PTPRD: variants seen among roughly 807,000 people sequenced by gnomAD.
PTPRD encodes the protein protein tyrosine phosphatase receptor type D.
A neutral mutation model predicts 214.5 loss-of-function variants in PTPRD; 34 were observed. That is an observed-to-expected ratio of 0.16 (90% confidence interval 0.12 to 0.21). The LOEUF (loss-of-function observed/expected upper bound fraction) is 0.21, where lower values mean the gene tolerates loss of function less well. PTPRD is among the 10% of genes least tolerant of loss of function. The pLI is 1.00. For missense variants in PTPRD, 2,545 were observed against 2,398.7 expected (o/e 1.06, Z -1.27); for synonymous variants, 1,128 against 845.7 (o/e 1.33, Z -5.79).
chr9:10,262,691 T>C (rs2093776864), intron 3 of PTPRD, among the ~76,000 whole-genome samples: 1 of 152,202 alleles, frequency 6.6e-6, no homozygotes, highest in Non-Finnish European at 1.5e-5. Flanking sequence ...TTTACCTCTC[T>C]GGGACTTATT....
chr9:9,116,512 T>A (rs1027132558), intron 10 of PTPRD, among the ~76,000 whole-genome samples: 1 of 151,988 alleles, frequency 6.6e-6, no homozygotes, highest in Admixed American at 6.6e-5. Context: ...ACCTACTGAT[T>A]ATGATGTACA....
chr9:9,314,035 T>C (rs1401137542), intron 9 of PTPRD, among the ~76,000 whole-genome samples: 1 of 152,190 alleles, frequency 6.6e-6, no homozygotes, highest in East Asian at 1.9e-4. Flanking sequence ...CTCTAACAAA[T>C]AAGAGGAAAA....
At chr9:9,142,489 G>A (rs2099862157) in intron 10 of PTPRD, among the ~76,000 whole-genome samples, 1 of 152,178 alleles carries the variant, frequency 6.6e-6, no homozygotes, top group Non-Finnish European at 1.5e-5. Flanking sequence ...TACTCCTTTG[G>A]CGATGAAATC....
chr9:10,569,327 C>T (rs549317505), intron 2 of PTPRD, among the ~76,000 whole-genome samples: 47 of 152,142 alleles, frequency 3.1e-4, no homozygotes, highest in African/African-American at 1.1e-3. Flanking sequence ...AGGCTCACAG[C>T]CAAAGTAGTG....
chr9:9,356,315 G>A (rs1208645147), intron 9 of PTPRD, among the ~76,000 whole-genome samples: 1 of 151,366 alleles, frequency 6.6e-6, no homozygotes, highest in Non-Finnish European at 1.5e-5. Context: ...AGAGAGAGGA[G>A]AGCTGCTAGA....
At chr9:10,546,808 C>G (rs1420982188) in intron 2 of PTPRD, among the ~76,000 whole-genome samples, 1 of 152,004 alleles carries the variant, frequency 6.6e-6, no homozygotes, top group African/African-American at 2.4e-5. Context: ...TGTACAAAAA[C>G]TTCAACGGCC....
intron 8 of PTPRD, among the ~76,000 whole-genome samples, chr9:9,492,811 G>A (rs1451205097): frequency 1.3e-5 from 2 of 149,892 alleles, no homozygotes; most frequent in African/African-American, 2.5e-5. Context: ...CTCACTTTTT[G>A]TTTCTGCATC....
intron 11 of PTPRD, among the ~76,000 whole-genome samples, chr9:8,898,988 A>G (rs114535441): frequency 1.3e-5 from 2 of 152,322 alleles, no homozygotes; most frequent in East Asian, 1.9e-4. Flanking sequence ...TATTTTAATA[A>G]AAGTGACTTC....
intron 11 of PTPRD, among the ~76,000 whole-genome samples, chr9:8,795,175 A>C (rs182817101): frequency 6.6e-6 from 1 of 151,088 alleles, no homozygotes; most frequent in Admixed American, 6.6e-5. Flanking sequence ...GAAAAAAAAA[A>C]TTTTTTTTGA....
chr9:9,801,400 A>G (rs7036588), intron 5 of PTPRD, among the ~76,000 whole-genome samples: 4,185 of 152,114 alleles, frequency 0.028, 182 homozygotes, highest in African/African-American at 0.094. Context: ...CTAAACTCCA[A>G]TGGGATTTTC....
At chr9:10,251,169 T>A (rs979829522) in intron 3 of PTPRD, among the ~76,000 whole-genome samples, 4 of 152,130 alleles carry the variant, frequency 2.6e-5, no homozygotes, top group African/African-American at 9.6e-5. Flanking sequence ...ATTGATTAAA[T>A]AACATGCTCA....
intron 4 of PTPRD, among the ~76,000 whole-genome samples, chr9:9,985,685 A>T (rs1237965443): frequency 2.6e-5 from 4 of 152,056 alleles, no homozygotes; most frequent in African/African-American, 9.7e-5. Context: ...TTATATTTTT[A>T]AAATATTATG....
chr9:9,450,994 C>G (rs1372830415), intron 8 of PTPRD, among the ~76,000 whole-genome samples: 1 of 149,268 alleles, frequency 6.7e-6, no homozygotes, highest in African/African-American at 2.4e-5. Flanking sequence ...CACAGACACA[C>G]AGTCAAATAA....
chr9:8,392,261 A>C (rs1216835029), intron 36 of PTPRD, among the ~76,000 whole-genome samples: 2 of 152,056 alleles, frequency 1.3e-5, no homozygotes, highest in African/African-American at 2.4e-5. Context: ...ATGGTGGCTC[A>C]TGCCTGTAAT....
intron 3 of PTPRD, among the ~76,000 whole-genome samples, chr9:10,053,901 G>A (rs1445993390): frequency 6.6e-6 from 1 of 151,938 alleles, no homozygotes; most frequent in Non-Finnish European, 1.5e-5. Context: ...GGGGATTACA[G>A]GTGTACGCCA....
chr9:9,085,839 C>A (rs571001034), intron 10 of PTPRD, among the ~76,000 whole-genome samples: 1 of 152,076 alleles, frequency 6.6e-6, no homozygotes, highest in Non-Finnish European at 1.5e-5. Flanking sequence ...TAATTTAAGC[C>A]TCTCGAATCT....
At chr9:9,992,845 A>G (rs2095993091) in intron 4 of PTPRD, among the ~76,000 whole-genome samples, 1 of 152,076 alleles carries the variant, frequency 6.6e-6, no homozygotes, top group Non-Finnish European at 1.5e-5. Flanking sequence ...GATAAACCCA[A>G]TGTAAATGAC....
intron 11 of PTPRD, among the ~76,000 whole-genome samples, chr9:8,811,836 C>T (rs1157468108): frequency 6.6e-6 from 1 of 152,180 alleles, no homozygotes; most frequent in Non-Finnish European, 1.5e-5. Context: ...GTTTCCTATG[C>T]ACACTCTTCT....
chr9:8,572,455 C>T (rs1445028857), intron 14 of PTPRD, among the ~76,000 whole-genome samples: 3 of 151,896 alleles, frequency 2.0e-5, no homozygotes, highest in African/African-American at 7.3e-5. Context: ...CATAAAATGA[C>T]TTCAGGGAAA....
Sources: gnomAD v4.1 joint callset for allele counts (sites outside exome capture counted in the v4.1 genomes callset) on GRCh38, gnomAD v4.1.1 for gene constraint, MANE v1.5 for transcripts, NCBI Gene and HGNC (gene_info 2026-07-23, HGNC 2026-07-21) for gene names.